The following TULP3 variants were observed in gnomAD, a reference collection of about 807,000 sequenced individuals.
The protein encoded by TULP3 is TUB like protein 3.
TULP3 carries 38 observed loss-of-function variants against 50.7 expected under a neutral mutation model. That is an observed-to-expected ratio of 0.75 (90% confidence interval 0.58 to 0.98). The LOEUF is 0.98. Among genes scored for constraint, TULP3 ranks in the 50% least tolerant of loss-of-function variants. The pLI, the probability that TULP3 is intolerant of heterozygous loss-of-function variation, is 0.00. For missense variants in TULP3, 550 were observed against 568.0 expected (o/e 0.97, Z 0.32); for synonymous variants, 183 against 196.6 (o/e 0.93, Z 0.58).
intron 1 of TULP3, among the ~76,000 whole-genome samples, chr12:2,892,953 T>G (rs543862310): frequency 2.6e-4 from 39 of 150,868 alleles, no homozygotes; most frequent in Middle Eastern, 6.9e-3. Flanking sequence ...AATTTCAACC[T>G]CTTCCCCAGG....
chr12:2,934,878 C>T (rs2098200171), intron 8 of TULP3, among the ~76,000 whole-genome samples: 1 of 152,032 alleles, frequency 6.6e-6, no homozygotes, highest in African/African-American at 2.4e-5. Flanking sequence ...TTAATCTTTT[C>T]CTATCTAGTT....
chr12:2,905,017 G>A (rs2098181349), intron 1 of TULP3, among the ~76,000 whole-genome samples: 1 of 150,812 alleles, frequency 6.6e-6, no homozygotes, highest in Non-Finnish European at 1.5e-5. Context: ...TCCGGGAGGT[G>A]GAGGTTGCAG....
intron 7 of TULP3, among the ~76,000 whole-genome samples, chr12:2,933,798 A>G (rs1417848158): frequency 6.6e-6 from 1 of 152,148 alleles, no homozygotes; most frequent in African/African-American, 2.4e-5. Flanking sequence ...TAAAAATACA[A>G]AAATCAGCCA....
At chr12:2,905,026 A>C (rs987866898) in intron 1 of TULP3, among the ~76,000 whole-genome samples, 3 of 148,696 alleles carry the variant, frequency 2.0e-5, no homozygotes, top group African/African-American at 7.4e-5. Flanking sequence ...TGGAGGTTGC[A>C]GTGAGCTGAG....
chr12:2,893,327 GTT>G (rs36190881), intron 1 of TULP3, among the ~76,000 whole-genome samples: 85 of 128,162 alleles, frequency 6.6e-4, no homozygotes, highest in Middle Eastern at 7.9e-3. Context: ...TGTTTAATGT[GTT>G]TTTTTTTTTT....
intron 1 of TULP3, among the ~76,000 whole-genome samples, chr12:2,902,430 C>T (rs973246600): frequency 1.3e-5 from 2 of 152,210 alleles, no homozygotes; most frequent in Admixed American, 6.5e-5. Flanking sequence ...TCCAGTACCA[C>T]AGAAGGAGCC....
rs182682917 is a variant in TULP3, at chr12:2,894,270, A to G, written c.41+3282A>G. On this transcript the variant is annotated intron_variant, in intron 1 of 10. Transcript: ENST00000448120. ...GGCTCACACTTGTAATCCCAGCACC[A>G]TGGGAGGCCGAGATGGCGGGGGGGC... Among the ~76,000 whole-genome samples the G allele has an allele frequency of 8.9e-4, 76 of 85,516 alleles. 1 individual carries two copies. Among genetic ancestry groups the G allele is most frequent in the Non-Finnish European group, 1.4e-3 (67 of 46,674 alleles). 56.1% of individuals were successfully genotyped at this position (85,516 alleles called of 152,430 possible).
chr12:2,929,003 T>G (rs1175261005), intron 4 of TULP3, among the ~76,000 whole-genome samples: 2 of 151,962 alleles, frequency 1.3e-5, no homozygotes, highest in Non-Finnish European at 2.9e-5. Flanking sequence ...CTAGCAAGTT[T>G]TCCTGTTTTT....
Position 2,940,505 on chromosome 12 carries a change from T to A in TULP3, c.*1061T>A. Reference sequence around the variant, plus strand: ...TACACCCCTCCACGTATTATGTGACTCTTACACCAGTTCACCCTTCCCAGA... The same window carrying A: ...TACACCCCTCCACGTATTATGTGACACTTACACCAGTTCACCCTTCCCAGA... On this transcript the variant is annotated 3_prime_UTR_variant, in exon 11 of 11. Coordinates refer to ENST00000448120, the MANE Select transcript of TULP3 (RefSeq NM_003324.5). The A allele has an allele frequency of 6.5e-7, 1 of 1,535,442 alleles. No individual in the cohort carries two copies. The highest frequency in any genetic ancestry group is 8.8e-7 in the Non-Finnish European group (1 of 1,138,594).
intron 2 of TULP3, among the ~76,000 whole-genome samples, chr12:2,911,072 A>G (rs2098185158): frequency 6.6e-6 from 1 of 152,148 alleles, no homozygotes; most frequent in African/African-American, 2.4e-5. Context: ...TAAATTTTGT[A>G]TATAGATACA....
At chr12:2,912,894 G>C (rs143557520) in intron 2 of TULP3, among the ~76,000 whole-genome samples, 3 of 152,018 alleles carry the variant, frequency 2.0e-5, no homozygotes, top group Admixed American at 6.6e-5. Flanking sequence ...AAGGAGATTC[G>C]CATGTGCCCA....
intron 2 of TULP3, among the ~76,000 whole-genome samples, chr12:2,919,187 C>T (rs967283182): frequency 4.6e-5 from 7 of 152,138 alleles, no homozygotes; most frequent in African/African-American, 7.2e-5. Context: ...CCACTGCGCC[C>T]GGCTGCTAGA....
intron 2 of TULP3, among the ~76,000 whole-genome samples, chr12:2,913,636 A>G (rs2153949089): frequency 6.7e-6 from 1 of 150,226 alleles, no homozygotes; most frequent in African/African-American, 2.4e-5. Flanking sequence ...TCTGAGATGC[A>G]GTATTTCTCT....
Position 2,890,909 on chromosome 12 carries a change from A to G in TULP3, c.-39A>G, listed in dbSNP as rs758618389. On this transcript the variant is annotated 5_prime_UTR_variant, in exon 1 of 11. Transcript: ENST00000448120. Reference sequence around the variant, plus strand: ...CCTAGCCACTCTAGCGACGGCGGGGAAGAGTGTGTACGTGGTGGGGGCTTC... The same window carrying G: ...CCTAGCCACTCTAGCGACGGCGGGGGAGAGTGTGTACGTGGTGGGGGCTTC... The G allele has an allele frequency of 3.1e-5, 49 of 1,558,610 alleles. No homozygotes were observed. The highest frequency in any genetic ancestry group is 4.2e-5 in the Non-Finnish European group (48 of 1,151,570).
At chr12:2,923,103 C>A (rs1218497652) in intron 4 of TULP3, among the ~76,000 whole-genome samples, 1 of 152,032 alleles carries the variant, frequency 6.6e-6, no homozygotes, top group Non-Finnish European at 1.5e-5. Context: ...GATCCGCCCG[C>A]CTCGGCCTCC....
chr12:2,892,937 T>C (rs10774069), intron 1 of TULP3, among the ~76,000 whole-genome samples: 71,344 of 150,320 alleles, frequency 0.47, 17,400 homozygotes, highest in African/African-American at 0.59. Flanking sequence ...GTGGGCGATC[T>C]CAACTAATTT....
At chr12:2,936,594 A>T (rs1009371541) in intron 8 of TULP3, among the ~76,000 whole-genome samples, 4 of 150,934 alleles carry the variant, frequency 2.7e-5, no homozygotes, top group Admixed American at 6.6e-5. Flanking sequence ...AAAAAAAAAA[A>T]ATACAAAATT....
intron 2 of TULP3, among the ~76,000 whole-genome samples, chr12:2,910,966 G>C (rs1234706873): frequency 6.6e-6 from 1 of 152,020 alleles, no homozygotes; most frequent in African/African-American, 2.4e-5. Context: ...TTATTCTTAG[G>C]CATCCTAGTA....
At chr12:2,914,457 T>G (rs2098187471) in intron 2 of TULP3, among the ~76,000 whole-genome samples, 1 of 152,210 alleles carries the variant, frequency 6.6e-6, no homozygotes. Flanking sequence ...CACCCTCTTG[T>G]GCTATTGAAC....
Sources: allele counts gnomAD v4.1 joint callset (sites outside exome capture counted in the v4.1 genomes callset), GRCh38; gene constraint gnomAD v4.1.1; transcripts MANE v1.5; gene names NCBI Gene and HGNC (gene_info 2026-07-23, HGNC 2026-07-21).